Variants in RRN3 observed in about 807,000 individuals in gnomAD.
RRN3 encodes the protein RNA polymerase I-specific transcription initiation factor RRN3.
Under a neutral mutation model 82.3 loss-of-function variants are expected in RRN3, and 38 were observed. The observed-to-expected ratio is 0.46, with a 90% CI of 0.36 to 0.61. RRN3 has a LOEUF of 0.61. Ranked by LOEUF, RRN3 falls within the 20% of genes least tolerant of loss-of-function variation. The probability of loss-of-function intolerance (pLI) is 0.00; values close to 1 mark genes in which losing one functional copy is unlikely to be tolerated. For synonymous variants in RRN3, 284 were observed against 284.3 expected (o/e 1.00, Z 0.01); for missense variants, 726 against 793.1 (o/e 0.92, Z 1.02).
rs1461272749 is a variant in RRN3 at position 15,090,038 on chromosome 16, G to A, written c.252+1277C>T. ...AGCCTGGCCAACATGGTGAAACCCC[G>A]TTTCTACTAAAAATAAAAAAAATTA... On this transcript the variant is annotated intron_variant, in intron 3 of 17. Coordinates refer to ENST00000198767, the MANE Select transcript of RRN3 (RefSeq NM_018427.5). 1.5e-4 allele frequency among the ~76,000 whole-genome samples: 22 copies of A among 151,512 alleles called. No individual in the cohort carries two copies. In the Middle Eastern group the frequency reaches 0.01, roughly 71 times the overall value.
chr16:15,082,580 GGA>G (rs765005807), intron 8 of RRN3, among the ~76,000 whole-genome samples: 9 of 151,816 alleles, frequency 5.9e-5, no homozygotes, highest in Non-Finnish European at 1.3e-4. Flanking sequence ...GGCTGAGGTG[GGA>G]GAGTCACTTG....
intron 7 of RRN3, 117 bp downstream of exon 7, chr16:15,084,525 A>T: frequency 1.4e-6 from 1 of 699,218 alleles, no homozygotes; most frequent in Non-Finnish European, 2.4e-6. Context: ...AGTGGATACA[A>T]AAAAAACATG....
chr16:15,072,755 G>T lies in RRN3; in HGVS notation c.1128+195C>A, dbSNP rs556050625. 2.0e-5 allele frequency among the ~76,000 whole-genome samples: 3 copies of T among 152,264 alleles called. No homozygotes were observed. The South Asian group carries it at 6.2e-4, about 32-fold the overall frequency. On this transcript the variant is annotated intron_variant, in intron 12 of 17. Transcript: ENST00000198767. ...AGGTTGCAGCAGTGGGCAGCAGAGC[G>T]AGACTGTGTCTCAAAAAAGAAAGGA...
rs768530521 is a variant in RRN3, at chr16:15,074,757, A to G, written c.963T>C (p.Val321=). Residue 321 remains valine (V), a synonymous_variant, in exon 11 of 18, where the codon GTT becomes GTC. Coordinates refer to ENST00000198767, the MANE Select transcript of RRN3 (RefSeq NM_018427.5). Reference sequence around the variant, plus strand: ...AGCAGACATCCTTCATGTAGGACAAAACCAAAGACATCAGGATGTCCAGGC... The same window carrying G: ...AGCAGACATCCTTCATGTAGGACAAGACCAAAGACATCAGGATGTCCAGGC... ...AERLDILMSL[V]LSYMKDVCYV... The G allele has an allele frequency of 9.3e-6, 15 of 1,613,942 alleles. 1 individual carries two copies. In the South Asian group the frequency reaches 1.6e-4, roughly 18 times the overall value.
Position 15,081,948 on chromosome 16 carries a change from G to C in RRN3, c.666+1565C>G, listed in dbSNP as rs1202399145. The stretch of plus-strand genomic sequence containing the variant: ...TTCAATTGTCTTGAACAACTGGTTA[G>C]TGTATGTTAGTCTTCTGTCCCGTAA... On this transcript the variant is annotated intron_variant, in intron 8 of 17. Transcript: ENST00000198767. Among the ~76,000 whole-genome samples the C allele has an allele frequency of 4.6e-5, 7 of 152,242 alleles. No individual in the cohort carries two copies. The South Asian group carries it at 6.2e-4, about 14-fold the overall frequency.
intron 12 of RRN3, among the ~76,000 whole-genome samples, chr16:15,071,898 G>C (rs1188066592): frequency 6.6e-6 from 1 of 152,166 alleles, no homozygotes; most frequent in Non-Finnish European, 1.5e-5. Flanking sequence ...GCCAGAACTG[G>C]TGACCAACAA....
At chr16:15,063,787 A>G (rs1197563175) in intron 16 of RRN3, among the ~76,000 whole-genome samples, 2 of 152,068 alleles carry the variant, frequency 1.3e-5, no homozygotes, top group Non-Finnish European at 2.9e-5. Flanking sequence ...CTCTTTCTGT[A>G]TAAGAGTTCA....
At chr16:15,077,618 G>T (rs564287651) in intron 9 of RRN3, among the ~76,000 whole-genome samples, 1 of 152,306 alleles carries the variant, frequency 6.6e-6, no homozygotes, top group East Asian at 1.9e-4. Context: ...GAGGTGGACG[G>T]ATCATGAGGT....
At chr16:15,084,153 G>T (rs2045819715) in intron 7 of RRN3, among the ~76,000 whole-genome samples, 1 of 152,178 alleles carries the variant, frequency 6.6e-6, no homozygotes, top group Non-Finnish European at 1.5e-5. Context: ...CACTTTTGCT[G>T]ACATTTCCCA....
At chr16:15,090,614 A>G (rs2046091737) in intron 3 of RRN3, among the ~76,000 whole-genome samples, 1 of 152,230 alleles carries the variant, frequency 6.6e-6, no homozygotes, top group African/African-American at 2.4e-5. Context: ...AAAACACTCC[A>G]TATTTTTTAA....
At chr16:15,067,907 G>T (rs1272402000) in intron 15 of RRN3, among the ~76,000 whole-genome samples, 1 of 151,770 alleles carries the variant, frequency 6.6e-6, no homozygotes, top group Non-Finnish European at 1.5e-5. Flanking sequence ...ACAGGCACAG[G>T]CAACCACACC....
intron 8 of RRN3, 105 bp downstream of exon 8, chr16:15,083,408 A>G: frequency 6.6e-7 from 1 of 1,525,782 alleles, no homozygotes; most frequent in Non-Finnish European, 8.8e-7. Context: ...CAAAAAAGAA[A>G]AAGAAAAAGA....
At position 15,092,542 on chromosome 16, in the gene RRN3, T is replaced by C. The variant is rs753461462; in HGVS notation, c.162A>G (p.Gly54=). 3 of 1,613,404 alleles carry C rather than the reference T, an allele frequency of 1.9e-6. No individual in the cohort carries two copies. In the East Asian group the frequency reaches 6.7e-5, roughly 36 times the overall value. Residue 54 remains glycine, a synonymous_variant, in exon 2 of 18, where the codon GGA becomes GGG. Transcript: ENST00000198767. ...SPPRKTVRFG[G]TVTEVLLKYK... is the part of the protein sequence containing the mutation. ...ACTTCAGCAAGACTTCTGTCACAGT[T>C]CCACCAAACCGAACAGTTTTTCTTG...
In RRN3 at chr16:15,094,257, G is replaced by A. The variant is rs1050240691; in HGVS notation, c.-24C>T. The A allele has an allele frequency of 4.5e-6, 7 of 1,538,958 alleles. No homozygotes were observed. The African/African-American group carries it at 8.2e-5, about 18-fold the overall frequency. On this transcript the variant is annotated 5_prime_UTR_variant, in exon 1 of 18. Transcript: ENST00000198767. ...ATTGGGCCGAACTAACGCGACCGCTGCGCCTCAGGCCGGATGCCCAGCTCC... is the reference window on the plus strand; with the variant it reads ...ATTGGGCCGAACTAACGCGACCGCTACGCCTCAGGCCGGATGCCCAGCTCC...
chr16:15,077,098 G>A (rs1402972652), intron 9 of RRN3, among the ~76,000 whole-genome samples: 25 of 151,724 alleles, frequency 1.6e-4, no homozygotes, highest in Admixed American at 1.3e-4. Context: ...TCCTGCCTCA[G>A]CCTCCCGAGT....
chr16:15,076,030 A>C (rs940165147), intron 10 of RRN3, among the ~76,000 whole-genome samples: 1 of 152,098 alleles, frequency 6.6e-6, no homozygotes, highest in Non-Finnish European at 1.5e-5. Context: ...CTGTAGACCA[A>C]TCCATGCCCC....
At chr16:15,070,928 G>A (rs993128779) in intron 13 of RRN3, among the ~76,000 whole-genome samples, 193 bp downstream of exon 13, 2 of 152,030 alleles carry the variant, frequency 1.3e-5, no homozygotes, top group African/African-American at 4.8e-5. Flanking sequence ...TACATACAGG[G>A]TTTTATATAT....
At chr16:15,075,884 T>G (rs1459889767) in intron 10 of RRN3, among the ~76,000 whole-genome samples, 1 of 152,114 alleles carries the variant, frequency 6.6e-6, no homozygotes, top group African/African-American at 2.4e-5. Flanking sequence ...CCGCCTACTT[T>G]CTCCAGAGCT....
At chr16:15,069,771 C>G (rs2045143127) in intron 14 of RRN3, among the ~76,000 whole-genome samples, 1 of 152,226 alleles carries the variant, frequency 6.6e-6, no homozygotes, top group Non-Finnish European at 1.5e-5. Context: ...GGCGCTGGCA[C>G]AGCCCAGGGC....
Sources: gnomAD v4.1 joint callset for allele counts (sites outside exome capture counted in the v4.1 genomes callset) on GRCh38, gnomAD v4.1.1 for gene constraint, MANE v1.5 for transcripts, NCBI Gene and HGNC (gene_info 2026-07-23, HGNC 2026-07-21) for gene names.